FZD3: variants seen among roughly 807,000 people sequenced by gnomAD.
The protein encoded by FZD3 is frizzled class receptor 3.
In FZD3, 30 loss-of-function variants were observed where a neutral mutation model predicts 60.7. The ratio of observed to expected loss-of-function variants is 0.49; its 90% CI spans 0.37 to 0.67. FZD3 has a LOEUF of 0.67. FZD3 is among the 30% of genes least tolerant of loss of function. The probability of loss-of-function intolerance (pLI) is 0.00; values close to 1 mark genes in which losing one functional copy is unlikely to be tolerated. For missense variants in FZD3, 605 were observed against 838.7 expected (o/e 0.72, Z 3.44); for synonymous variants, 246 against 275.2 (o/e 0.89, Z 1.05).
At position 28,509,862 on chromosome 8, in the gene FZD3, C is replaced by G. The variant is rs112156091; in HGVS notation, c.189+6660C>G. On this transcript the variant is annotated intron_variant, in intron 3 of 7. Coordinates refer to ENST00000240093, the MANE Select transcript of FZD3 (RefSeq NM_017412.4). The stretch of plus-strand genomic sequence containing the variant: ...CCATCAGTGGACACTTGGGTTGTTT[C>G]TACCATTGGAGTATTATGAATAGTG... Among the ~76,000 whole-genome samples, 570 of 152,236 alleles carry G rather than the reference C, an allele frequency of 3.7e-3. 4 individuals are homozygous for G. Among genetic ancestry groups the G allele is most frequent in the Non-Finnish European group, 6.1e-3 (418 of 68,008 alleles).
At chr8:28,529,678 A>G (rs978247631) in intron 5 of FZD3, among the ~76,000 whole-genome samples, 2 of 152,174 alleles carry the variant, frequency 1.3e-5, no homozygotes, top group African/African-American at 2.4e-5. Context: ...GTCCTATACA[A>G]ATGATATTTT....
chr8:28,536,631 C>T (rs1417250053), intron 5 of FZD3, among the ~76,000 whole-genome samples: 1 of 152,126 alleles, frequency 6.6e-6, no homozygotes, highest in African/African-American at 2.4e-5. Flanking sequence ...ATTGCTTGAA[C>T]CCAAGAGGTG....
In FZD3 at chr8:28,555,938, A is replaced by G; in HGVS notation, c.1754A>G (p.Tyr585Cys). Residue 585 changes from tyrosine (Y) to cysteine (C), a missense_variant, in exon 7 of 8, where the codon TAC (tyrosine) becomes TGC (cysteine). Physicochemically the swap from Tyr to Cys is radical, Grantham distance 194. Coordinates refer to ENST00000240093, the MANE Select transcript of FZD3 (RefSeq NM_017412.4). ...AGCATCCACAGCAAAGTGAGCAGCTACCACGGCAGCCTCCACAGATCACGT... is the reference window on the plus strand; with the variant it reads ...AGCATCCACAGCAAAGTGAGCAGCTGCCACGGCAGCCTCCACAGATCACGT... The part of the protein sequence containing the change: ...AGSIHSKVSS[Y>C]HGSLHRSRDG... 6.2e-7 allele frequency: 1 copy of G among 1,613,534 alleles called. No individual in the cohort carries two copies. Among genetic ancestry groups the G allele is most frequent in the Non-Finnish European group, 8.5e-7 (1 of 1,179,498 alleles).
intron 6 of FZD3, among the ~76,000 whole-genome samples, chr8:28,555,303 A>G (rs955706883): frequency 6.6e-6 from 1 of 152,224 alleles, no homozygotes; most frequent in Non-Finnish European, 1.5e-5. Flanking sequence ...ACCATGCAAG[A>G]AAACAATTTT....
chr8:28,553,950 CTG>C (rs1805458134), intron 6 of FZD3, among the ~76,000 whole-genome samples: 1 of 152,202 alleles, frequency 6.6e-6, no homozygotes, highest in Non-Finnish European at 1.5e-5. Context: ...GATAAGGAAA[CTG>C]AGGCATAGAA....
intron 1 of FZD3, among the ~76,000 whole-genome samples, chr8:28,499,190 T>C (rs1470295662): frequency 2.0e-5 from 3 of 152,222 alleles, no homozygotes; most frequent in East Asian, 3.8e-4. Context: ...TTTAATATTT[T>C]ATTTTTAAAC....
chr8:28,548,696 T>C (rs955587294), intron 5 of FZD3, among the ~76,000 whole-genome samples: 3 of 152,244 alleles, frequency 2.0e-5, no homozygotes, highest in Admixed American at 6.5e-5. Flanking sequence ...TTCAGGACTT[T>C]CCTGTTTGTT....
At chr8:28,506,579 G>A (rs1804146918) in intron 3 of FZD3, among the ~76,000 whole-genome samples, 1 of 152,128 alleles carries the variant, frequency 6.6e-6, no homozygotes, top group East Asian at 1.9e-4. Flanking sequence ...ATAGAGGAAA[G>A]TAGGCCTCTC....
Position 28,520,188 on chromosome 8 carries a change from C to A in FZD3, c.190-450C>A, listed in dbSNP as rs1393388436. Among the ~76,000 whole-genome samples, 6 of 135,850 alleles carry A rather than the reference C, an allele frequency of 4.4e-5. 1 individual carries two copies. The highest frequency in any genetic ancestry group is 8.2e-5 in the Admixed American group (1 of 12,190). 89.1% of individuals were successfully genotyped at this position (135,850 alleles called of 152,430 possible). ...TCATGCCACTGCACTCCAGCCTGGG[C>A]GACAGAGTGAGACTCCATCTCAAAA... is the stretch of plus-strand genomic sequence containing the variant. On this transcript the variant is annotated intron_variant, in intron 3 of 7. Coordinates refer to ENST00000240093, the MANE Select transcript of FZD3 (RefSeq NM_017412.4).
intron 3 of FZD3, among the ~76,000 whole-genome samples, chr8:28,514,545 C>G (rs944443324): frequency 6.6e-6 from 1 of 152,190 alleles, no homozygotes; most frequent in Admixed American, 6.5e-5. Flanking sequence ...TCACCCCGCT[C>G]TCTACTGCCT....
At chr8:28,513,507 A>G (rs895477124) in intron 3 of FZD3, among the ~76,000 whole-genome samples, 1 of 152,222 alleles carries the variant, frequency 6.6e-6, no homozygotes, top group Non-Finnish European at 1.5e-5. Flanking sequence ...AAATAAACCT[A>G]TGGGATTAAA....
At chr8:28,542,238 A>T (rs1170137091) in intron 5 of FZD3, among the ~76,000 whole-genome samples, 1 of 151,966 alleles carries the variant, frequency 6.6e-6, no homozygotes, top group Non-Finnish European at 1.5e-5. Flanking sequence ...TTCTTCAGAG[A>T]CAGCAAACTT....
chr8:28,560,643 A>G (rs922950969), intron 7 of FZD3, among the ~76,000 whole-genome samples: 2 of 152,178 alleles, frequency 1.3e-5, no homozygotes, highest in East Asian at 1.9e-4. Context: ...ATAACTTTAT[A>G]TCATTACTAG....
chr8:28,569,066 T>C lies in FZD3; in HGVS notation c.*6055T>C, dbSNP rs1805756373. On this transcript the variant is annotated 3_prime_UTR_variant, in exon 8 of 8. Transcript: ENST00000240093. The stretch of plus-strand genomic sequence containing the variant: ...TTTTTAAGGTTGATATTTTATCATA[T>C]TCCTGGAGTAGGATGGATTACTTTA... 1 of 152,094 alleles carries C rather than the reference T, an allele frequency of 6.6e-6. No individual in the cohort carries two copies. Among genetic ancestry groups the C allele is most frequent in the African/African-American group, 2.4e-5 (1 of 41,450 alleles). The allele number at this position is 152,094 out of a possible 1,614,324, so 9.4% of individuals were successfully genotyped here.
chr8:28,542,561 C>T (rs765002865), intron 5 of FZD3, among the ~76,000 whole-genome samples: 4 of 152,088 alleles, frequency 2.6e-5, no homozygotes, highest in Non-Finnish European at 5.9e-5. Flanking sequence ...TCGCTTGAAC[C>T]CAGGAGGCAG....
In FZD3 at chr8:28,567,899, A is replaced by G. The variant is rs1356508391; in HGVS notation, c.*4888A>G. On this transcript the variant is annotated 3_prime_UTR_variant, in exon 8 of 8. Transcript: ENST00000240093. ...TACATTAGCTTGACTTAAATTATAA[A>G]AAAAAATATATATGAAGAAGAATGT... 2 of 152,096 alleles carry G rather than the reference A, an allele frequency of 1.3e-5. No individual in the cohort carries two copies. The highest frequency in any genetic ancestry group is 4.8e-5 in the African/African-American group (2 of 41,432). 9.4% of individuals were successfully genotyped at this position (152,096 alleles called of 1,614,324 possible). A position where few individuals can be genotyped will look rare whatever the true frequency, so the allele number is the denominator to read the frequency against.
chr8:28,554,681 A>G (rs1805475538), intron 6 of FZD3, among the ~76,000 whole-genome samples: 1 of 152,128 alleles, frequency 6.6e-6, no homozygotes, highest in Non-Finnish European at 1.5e-5. Context: ...AATCTCTGTA[A>G]TGATGACATT....
In FZD3 at chr8:28,564,639, T is replaced by A. The variant is rs1224198239; in HGVS notation, c.*1628T>A. 6.6e-6 allele frequency: 1 copy of A among 152,202 alleles called. No individual in the cohort carries two copies. The highest frequency in any genetic ancestry group is 1.5e-5 in the Non-Finnish European group (1 of 68,044). 9.4% of individuals were successfully genotyped at this position (152,202 alleles called of 1,614,324 possible). On this transcript the variant is annotated 3_prime_UTR_variant, in exon 8 of 8. Transcript: ENST00000240093. ...GCACCTGATGCCAAATTCTGGGCTG[T>A]ACTCCTAGAGAGACTTACTCAGTAA...
At chr8:28,496,640 A>G (rs1463175596) in intron 1 of FZD3, among the ~76,000 whole-genome samples, 1 of 152,242 alleles carries the variant, frequency 6.6e-6, no homozygotes, top group African/African-American at 2.4e-5. Flanking sequence ...AATGTTAGGA[A>G]CAAATGAAGT....
Sources: allele counts gnomAD v4.1 joint callset (sites outside exome capture counted in the v4.1 genomes callset), GRCh38; gene constraint gnomAD v4.1.1; transcripts MANE v1.5; gene names NCBI Gene and HGNC (gene_info 2026-07-23, HGNC 2026-07-21).